STXBP5L: variants seen among roughly 807,000 people sequenced by gnomAD.
STXBP5L encodes the protein syntaxin-binding protein 5-like.
In STXBP5L, 65 loss-of-function variants were observed where a neutral mutation model predicts 144.5. The ratio of observed to expected loss-of-function variants is 0.45; its 90% confidence interval spans 0.37 to 0.55. The LOEUF is 0.55. Among genes scored for constraint, STXBP5L ranks in the 20% least tolerant of loss-of-function variants. The pLI, the probability that STXBP5L is intolerant of heterozygous loss-of-function variation, is 0.00. For synonymous variants in STXBP5L, 505 were observed against 469.6 expected, an observed-to-expected ratio of 1.08 and a Z score of -0.97; for missense variants, 1,298 against 1,405.5, an observed-to-expected ratio of 0.92 and a Z score of 1.22.
chr3:120,954,805 T>C, intron 2 of STXBP5L, 135 bp from the exon 3 acceptor site: 1 of 571,564 alleles, frequency 1.7e-6, no homozygotes. Flanking sequence ...ACTCCATCTC[T>C]GTGTTAATGT....
chr3:121,190,642 AC>A (rs1355445531), intron 9 of STXBP5L, among the ~76,000 whole-genome samples: 1 of 76,772 alleles, frequency 1.3e-5, no homozygotes, highest in Non-Finnish European at 2.7e-5. Context: ...AGGCAGAGGC[AC>A]CCCCCACCTC....
chr3:121,239,048 G>A lies in STXBP5L; in HGVS notation c.1262G>A (p.Cys421Tyr). ...PVTCTAYFAD[C>Y]PPDLILVLYS... Reference sequence around the variant, plus strand: ...ACATGCACAGCATACTTTGCAGATTGTCCTCCGGATTTGATTCTAGTACTG... The same window carrying A: ...ACATGCACAGCATACTTTGCAGATTATCCTCCGGATTTGATTCTAGTACTG... The change falls in exon 13 of 27, where the codon TGT becomes TAT. Residue 421 changes from cysteine (C) to tyrosine (Y), a missense_variant. Coordinates refer to ENST00000471454, the MANE Select transcript of STXBP5L (RefSeq NM_001308330.2). 1 of 1,609,658 alleles carries A rather than the reference G, an allele frequency of 6.2e-7. No individual in the cohort carries two copies. The highest frequency in any genetic ancestry group is 8.5e-7 in the Non-Finnish European group (1 of 1,178,022).
intron 3 of STXBP5L, among the ~76,000 whole-genome samples, chr3:121,000,225 C>G (rs983073639): frequency 3.3e-5 from 5 of 152,076 alleles, no homozygotes; most frequent in African/African-American, 1.2e-4. Flanking sequence ...TTGCTCTCTC[C>G]CCCTCTCTTT....
chr3:121,045,357 G>C, intron 4 of STXBP5L, 78 bp from the exon 5 acceptor site: 1 of 1,307,936 alleles, frequency 7.6e-7, no homozygotes, highest in South Asian at 1.5e-5. Flanking sequence ...TAAACATTGA[G>C]TAAATTAGCT....
intron 25 of STXBP5L, among the ~76,000 whole-genome samples, chr3:121,417,239 G>A (rs191472707): frequency 1.3e-5 from 2 of 152,262 alleles, no homozygotes; most frequent in Non-Finnish European, 2.9e-5. Context: ...TCTGCAATCA[G>A]ATAGTGGTGA....
chr3:120,970,248 A>G (rs1308413052), intron 3 of STXBP5L, among the ~76,000 whole-genome samples: 1 of 152,146 alleles, frequency 6.6e-6, no homozygotes, highest in African/African-American at 2.4e-5. Flanking sequence ...GTTTTAGAAT[A>G]TTCTGAATTA....
intron 7 of STXBP5L, among the ~76,000 whole-genome samples, chr3:121,134,043 C>T (rs553181604): frequency 1.3e-5 from 2 of 152,120 alleles, no homozygotes; most frequent in Non-Finnish European, 2.9e-5. Flanking sequence ...TCTCTTAGTC[C>T]ATTTTTCTGT....
At chr3:120,975,020 A>G (rs1160758991) in intron 3 of STXBP5L, among the ~76,000 whole-genome samples, 3 of 152,164 alleles carry the variant, frequency 2.0e-5, no homozygotes, top group Non-Finnish European at 4.4e-5. Context: ...TGACTTGGCG[A>G]TGCGGGCTCT....
chr3:121,125,270 A>G (rs1361543483), intron 7 of STXBP5L, among the ~76,000 whole-genome samples: 2 of 152,088 alleles, frequency 1.3e-5, no homozygotes, highest in African/African-American at 4.8e-5. Context: ...GGAGTTCAAG[A>G]CCAGCCTGGC....
At chr3:121,130,784 A>G (rs1359623331) in intron 7 of STXBP5L, among the ~76,000 whole-genome samples, 1 of 152,162 alleles carries the variant, frequency 6.6e-6, no homozygotes, top group Non-Finnish European at 1.5e-5. Context: ...AAAATGTTAA[A>G]ACTCTTCATT....
chr3:121,376,663 G>A (rs1027422514), intron 20 of STXBP5L, among the ~76,000 whole-genome samples: 2 of 152,156 alleles, frequency 1.3e-5, no homozygotes, highest in Non-Finnish European at 2.9e-5. Context: ...AAGTCAGGCA[G>A]CTTGATGCCT....
intron 5 of STXBP5L, among the ~76,000 whole-genome samples, chr3:121,065,475 A>G (rs1051981460): frequency 6.6e-6 from 1 of 152,202 alleles, no homozygotes; most frequent in Admixed American, 6.5e-5. Flanking sequence ...TTGCTATATA[A>G]CAATGTTACC....
chr3:120,976,750 G>T lies in STXBP5L; in HGVS notation c.287+21713G>T, dbSNP rs147218837. Among the ~76,000 whole-genome samples, 918 of 152,228 alleles carry T rather than the reference G, an allele frequency of 6.0e-3. 4 individuals carry two copies. Among genetic ancestry groups the T allele is most frequent in the Middle Eastern group, 0.024 (7 of 294 alleles). On this transcript the variant is annotated intron_variant, in intron 3 of 26. Coordinates refer to ENST00000471454, the MANE Select transcript of STXBP5L (RefSeq NM_001308330.2). ...AGTGTTTCTGGTATGTTGTGTCTTT[G>T]TTCTCACTGGTTTCAAAGAACATCT...
At chr3:121,267,079 C>T (rs2050589017) in intron 18 of STXBP5L, among the ~76,000 whole-genome samples, 1 of 152,096 alleles carries the variant, frequency 6.6e-6, no homozygotes, top group Non-Finnish European at 1.5e-5. Context: ...TCATATGGAA[C>T]CAAAAGAGAG....
intron 9 of STXBP5L, among the ~76,000 whole-genome samples, chr3:121,173,998 A>C (rs977584739): frequency 6.6e-5 from 10 of 152,108 alleles, no homozygotes; most frequent in Admixed American, 3.3e-4. Context: ...TGTGATATGC[A>C]ATATGCTGGA....
At chr3:120,922,015 T>C (rs1221755701) in intron 2 of STXBP5L, among the ~76,000 whole-genome samples, 3 of 152,026 alleles carry the variant, frequency 2.0e-5, no homozygotes, top group Non-Finnish European at 4.4e-5. Flanking sequence ...ATTGGTATTT[T>C]GATAGAGATT....
At position 121,240,306 on chromosome 3, in the gene STXBP5L, C is replaced by T. The variant is rs550950570; in HGVS notation, c.1333-134C>T. The T allele has an allele frequency of 2.7e-5, 19 of 705,996 alleles. No homozygotes were observed. In the South Asian group the frequency reaches 3.8e-4, roughly 14 times the overall value. 43.7% of individuals were successfully genotyped at this position (705,996 alleles called of 1,614,324 possible). A position where few individuals can be genotyped will look rare whatever the true frequency, so the allele number is the denominator to read the frequency against. On this transcript the variant is annotated intron_variant, in intron 13 of 26. Transcript: ENST00000471454. ...CAATGAAAGAATTAAAAGACAGCTA[C>T]ACACTTCATTCTTGATGATTTTACA...
chr3:121,291,928 C>CT (rs1419473563), intron 19 of STXBP5L, among the ~76,000 whole-genome samples: 2 of 152,128 alleles, frequency 1.3e-5, no homozygotes, highest in African/African-American at 4.8e-5. Flanking sequence ...AGACTTAAAT[C>CT]TAAGACCTGA....
chr3:121,100,973 A>G (rs1459293023), intron 5 of STXBP5L, among the ~76,000 whole-genome samples: 1 of 152,160 alleles, frequency 6.6e-6, no homozygotes, highest in Non-Finnish European at 1.5e-5. Context: ...ACCTCTATGC[A>G]CACAAACTAC....
Sources: gnomAD v4.1 joint callset for allele counts (sites outside exome capture counted in the v4.1 genomes callset) on GRCh38, gnomAD v4.1.1 for gene constraint, MANE v1.5 for transcripts, NCBI Gene and HGNC (gene_info 2026-07-23, HGNC 2026-07-21) for gene names.